Variants in HBA2 observed in about 807,000 individuals in gnomAD.
HBA2 encodes hemoglobin subunit alpha 2.
HBA2 carries 9 observed loss-of-function variants against 5.6 expected under a neutral mutation model. The ratio of observed to expected loss-of-function variants is 1.60; its 90% CI spans 0.97 to 2.80. The LOEUF is 2.80. HBA2 is among the 30% of genes most tolerant of loss of function. The pLI is 0.00. For missense variants in HBA2, 86 were observed against 152.1 expected (o/e 0.57, Z 2.29); for synonymous variants, 38 against 73.4 (o/e 0.52, Z 2.47).
At position 173,561 on chromosome 16, in the gene HBA2, G is replaced by A; in HGVS notation, c.390G>A (p.Leu130=). ...PAVHASLDKF[L]ASVSTVLTSK... ...TGCACGCCTCCCTGGACAAGTTCCT[G>A]GCTTCTGTGAGCACCGTGCTGACCT... The change falls in exon 3 of 3, where the codon CTG becomes CTA. Residue 130 remains leucine, a synonymous_variant. Coordinates refer to ENST00000251595, the MANE Select transcript of HBA2 (RefSeq NM_000517.6). 6.2e-7 allele frequency: 1 copy of A among 1,608,134 alleles called. No individual in the cohort carries two copies. Among genetic ancestry groups the A allele is most frequent in the Non-Finnish European group, 8.5e-7 (1 of 1,179,908 alleles).
Position 173,348 on chromosome 16 carries a change from G to A in HBA2, c.300+19G>A. 6.3e-7 allele frequency: 1 copy of A among 1,596,140 alleles called. No individual in the cohort carries two copies. The highest frequency in any genetic ancestry group is 1.1e-5 in the South Asian group (1 of 89,040). On this transcript the variant is annotated intron_variant, in intron 2 of 2. Coordinates refer to ENST00000251595, the MANE Select transcript of HBA2 (RefSeq NM_000517.6). ...CTTCAAGGTGAGCGGCGGGCCGGGA[G>A]CGATCTGGGTCGAGGGGCGAGATGG...
rs2362745 is a variant in HBA2 at position 173,615 on chromosome 16, A to G, written c.*15A>G. ...AATACCGTTAAGCTGGAGCCTCGGT[A>G]GCCGTTCCTCCTGCCCGCTGGGCCT... On this transcript the variant is annotated 3_prime_UTR_variant, in exon 3 of 3. Coordinates refer to ENST00000251595, the MANE Select transcript of HBA2 (RefSeq NM_000517.6). 18 of 1,608,178 alleles carry G rather than the reference A, an allele frequency of 1.1e-5. No individual in the cohort carries two copies. The highest frequency in any genetic ancestry group is 1.4e-5 in the Non-Finnish European group (16 of 1,179,862).
At position 173,651 on chromosome 16, in the gene HBA2, C is replaced by T. The variant is rs1483225418; in HGVS notation, c.*51C>T. ...CTGCCCGCTGGGCCTCCCAACGGGCCCTCCTCCCCTCCTTGCACCGGCCCT... is the reference window on the plus strand; with the variant it reads ...CTGCCCGCTGGGCCTCCCAACGGGCTCTCCTCCCCTCCTTGCACCGGCCCT... On this transcript the variant is annotated 3_prime_UTR_variant, in exon 3 of 3. Coordinates refer to ENST00000251595, the MANE Select transcript of HBA2 (RefSeq NM_000517.6). The T allele has an allele frequency of 1.9e-6, 3 of 1,601,794 alleles. No individual in the cohort carries two copies. Among genetic ancestry groups the T allele is most frequent in the Middle Eastern group, 1.7e-4 (1 of 5,980 alleles).
At position 173,600 on chromosome 16, in the gene HBA2, A is replaced by G; in HGVS notation, c.429A>G (p.Ter143=). The G allele has an allele frequency of 2.5e-6, 4 of 1,608,268 alleles. No individual in the cohort carries two copies. The highest frequency in any genetic ancestry group is 3.4e-6 in the Non-Finnish European group (4 of 1,179,904). ...CCGTGCTGACCTCCAAATACCGTTA[A>G]GCTGGAGCCTCGGTAGCCGTTCCTC... ...VSTVLTSKYR[*] The change falls in exon 3 of 3, where the codon TAA becomes TAG. Residue 143 remains the stop codon, a stop_retained_variant. Coordinates refer to ENST00000251595, the MANE Select transcript of HBA2 (RefSeq NM_000517.6).
rs1485807214 is a variant in HBA2 at position 173,473 on chromosome 16, T to A, written c.302T>A (p.Leu101His). The change falls in exon 3 of 3, where the codon CTC (leucine) becomes CAC (histidine). Residue 101 changes from leucine to histidine, a missense_variant and splice_region_variant. Physicochemically the swap from Leu to His is moderately conservative, Grantham distance 99. Transcript: ENST00000251595. ...GCACTGACCCTCTTCTCTGCACAGC[T>A]CCTAAGCCACTGCCTGCTGGTGACC... ...KLRVDPVNFK[L>H]LSHCLLVTLA... The A allele has an allele frequency of 6.2e-7, 1 of 1,605,500 alleles. No individual in the cohort carries two copies. The highest frequency in any genetic ancestry group is 8.5e-7 in the Non-Finnish European group (1 of 1,179,848).
In HBA2 at chr16:173,632, G is replaced by T. The variant is rs3020599; in HGVS notation, c.*32G>T. The T allele has an allele frequency of 1.5e-5, 24 of 1,607,916 alleles. 1 individual carries two copies. The Middle Eastern group carries it at 1.7e-3, about 112-fold the overall frequency. On this transcript the variant is annotated 3_prime_UTR_variant, in exon 3 of 3. Transcript: ENST00000251595. Reference sequence around the variant, plus strand: ...GCCTCGGTAGCCGTTCCTCCTGCCCGCTGGGCCTCCCAACGGGCCCTCCTC... The same window carrying T: ...GCCTCGGTAGCCGTTCCTCCTGCCCTCTGGGCCTCCCAACGGGCCCTCCTC...
intron 1 of HBA2, 36 bp from the exon 2 acceptor site, chr16:173,089 C>A: frequency 1.8e-6 from 1 of 559,004 alleles, no homozygotes; most frequent in South Asian, 1.9e-5. Context: ...TGGCCCCGGA[C>A]CCAAACCCCA....
At chr16:173,086 G>T (rs1902041138) in intron 1 of HBA2, 39 bp from the exon 2 acceptor site, 1 of 534,538 alleles carries the variant, frequency 1.9e-6, no homozygotes, top group Non-Finnish European at 3.2e-6. Context: ...TCCTGGCCCC[G>T]GACCCAAACC....
chr16:173,494 T>C lies in HBA2; in HGVS notation c.323T>C (p.Val108Ala), dbSNP rs752788128. 1 of 1,606,274 alleles carries C rather than the reference T, an allele frequency of 6.2e-7. No homozygotes were observed. Among genetic ancestry groups the C allele is most frequent in the South Asian group, 1.1e-5 (1 of 89,870 alleles). Residue 108 changes from valine (V) to alanine (A), a missense_variant, in exon 3 of 3, where the codon GTG becomes GCG. By Grantham distance (64) the Val-to-Ala change is moderately conservative. Transcript: ENST00000251595. ...NFKLLSHCLL[V>A]TLAAHLPAEF... Reference sequence around the variant, plus strand: ...CAGCTCCTAAGCCACTGCCTGCTGGTGACCCTGGCCGCCCACCTCCCCGCC... The same window carrying C: ...CAGCTCCTAAGCCACTGCCTGCTGGCGACCCTGGCCGCCCACCTCCCCGCC...
In HBA2 at chr16:172,908, C is replaced by T; in HGVS notation, c.-5C>T. 3.9e-6 allele frequency: 1 copy of T among 256,690 alleles called. No homozygotes were observed. Among genetic ancestry groups the T allele is most frequent in the Non-Finnish European group, 6.8e-6 (1 of 147,948 alleles). The allele number at this position is 256,690 out of a possible 1,614,324, so 15.9% of individuals were successfully genotyped here. On this transcript the variant is annotated 5_prime_UTR_variant, in exon 1 of 3. Transcript: ENST00000251595. ...TGGTCCCCACAGACTCAGAGAGAAC[C>T]CACCATGGTGCTGTCTCCTGCCGAC...
In HBA2 at chr16:173,294, G is replaced by A. The variant is rs281864869; in HGVS notation, c.265G>A (p.Ala89Thr). ...NALSALSDLHAHKLRVDPVNF... is the reference protein window; with the variant it reads ...NALSALSDLHTHKLRVDPVNF... ...GCTGTCCGCCCTGAGCGACCTGCAC[G>A]CGCACAAGCTTCGGGTGGACCCGGT... is the stretch of plus-strand genomic sequence containing the variant. The change falls in exon 2 of 3, where the codon GCG (alanine) becomes ACG (threonine). Residue 89 changes from alanine (A) to threonine (T), a missense_variant. By Grantham distance (58) the Ala-to-Thr change is moderately conservative. Transcript: ENST00000251595. The A allele has an allele frequency of 1.3e-6, 2 of 1,537,160 alleles. No individual in the cohort carries two copies. The highest frequency in any genetic ancestry group is 1.7e-6 in the Non-Finnish European group (2 of 1,148,720).
rs41328049 is a variant in HBA2, at chr16:173,207, G to C, written c.178G>C (p.Gly60Arg). 8 of 1,138,250 alleles carry C rather than the reference G, an allele frequency of 7.0e-6. 1 individual carries two copies. In the South Asian group the frequency reaches 9.5e-5, roughly 13 times the overall value. 70.5% of individuals were successfully genotyped at this position (1,138,250 alleles called of 1,614,324 possible). A position where few individuals can be genotyped will look rare whatever the true frequency, so the allele number is the denominator to read the frequency against. Reference sequence around the variant, plus strand: ...CGGCTCTGCCCAGGTTAAGGGCCACGGCAAGAAGGTGGCCGACGCGCTGAC... The same window carrying C: ...CGGCTCTGCCCAGGTTAAGGGCCACCGCAAGAAGGTGGCCGACGCGCTGAC... ...SHGSAQVKGHGKKVADALTNA... is the reference protein window; with the variant it reads ...SHGSAQVKGHRKKVADALTNA... The change falls in exon 2 of 3, where the codon GGC becomes CGC. Residue 60 changes from glycine to arginine, a missense_variant. By Grantham distance (125) the Gly-to-Arg change is moderately radical (BLOSUM62 -2). Coordinates refer to ENST00000251595, the MANE Select transcript of HBA2 (RefSeq NM_000517.6).
chr16:173,548 T>C lies in HBA2; in HGVS notation c.377T>C (p.Leu126Pro), dbSNP rs41397847. ...TTCACCCCTGCGGTGCACGCCTCCC[T>C]GGACAAGTTCCTGGCTTCTGTGAGC... ...AEFTPAVHAS[L>P]DKFLASVSTV... The change falls in exon 3 of 3, where the codon CTG (leucine) becomes CCG (proline). Residue 126 changes from leucine to proline, a missense_variant. Leu to Pro is a moderately conservative substitution (Grantham distance 98). Around this residue, in one of 3 missense-constraint regions of HBA2, gnomAD observed 44 missense variants for 54.8 expected, o/e 0.80. Coordinates refer to ENST00000251595, the MANE Select transcript of HBA2 (RefSeq NM_000517.6). The C allele has an allele frequency of 8.1e-6, 13 of 1,607,758 alleles. 1 individual carries two copies. The East Asian group carries it at 2.5e-4, about 30-fold the overall frequency.
At chr16:173,365 G>A in intron 2 of HBA2, 36 bp downstream of exon 2, 2 of 1,601,460 alleles carry the variant, frequency 1.2e-6, no homozygotes, top group South Asian at 1.1e-5. Flanking sequence ...GGGTCGAGGG[G>A]CGAGATGGCG....
rs63751238 is a variant in HBA2, at chr16:173,331, T to A, written c.300+2T>A. 1 of 1,582,400 alleles carries A rather than the reference T, an allele frequency of 6.3e-7. No individual in the cohort carries two copies. The highest frequency in any genetic ancestry group is 8.5e-7 in the Non-Finnish European group (1 of 1,171,524). ...CGGGTGGACCCGGTCAACTTCAAGG[T>A]GAGCGGCGGGCCGGGAGCGATCTGG... is the stretch of plus-strand genomic sequence containing the variant. On this transcript the variant is annotated splice_donor_variant, in intron 2 of 2. Transcript: ENST00000251595. LOFTEE classifies it high-confidence loss of function.
At position 173,580 on chromosome 16, in the gene HBA2, C is replaced by A. The variant is rs41364652; in HGVS notation, c.409C>A (p.Leu137Met). 24 of 1,608,190 alleles carry A rather than the reference C, an allele frequency of 1.5e-5. 3 individuals carry two copies. The African/African-American group carries it at 3.2e-4, about 22-fold the overall frequency. Reference protein sequence around the residue: ...DKFLASVSTVLTSKYR With the variant: ...DKFLASVSTVMTSKYR ...GTTCCTGGCTTCTGTGAGCACCGTG[C>A]TGACCTCCAAATACCGTTAAGCTGG... Residue 137 changes from leucine (L) to methionine (M), a missense_variant, in exon 3 of 3, where the codon CTG becomes ATG. Coordinates refer to ENST00000251595, the MANE Select transcript of HBA2 (RefSeq NM_000517.6).
At chr16:173,064 C>T (rs2142017782) in intron 1 of HBA2, 57 bp downstream of exon 1, 1 of 509,446 alleles carries the variant, frequency 2.0e-6, no homozygotes, top group Middle Eastern at 4.5e-4. Context: ...ACCCACAGGC[C>T]ACCCTCAACC....
rs41515552 is a variant in HBA2, at chr16:173,128, G to A, written c.99G>A (p.Met33Ile). 6 of 670,388 alleles carry A rather than the reference G, an allele frequency of 9.0e-6. No individual in the cohort carries two copies. The highest frequency in any genetic ancestry group is 9.7e-6 in the Non-Finnish European group (4 of 413,898). 41.5% of individuals were successfully genotyped at this position (670,388 alleles called of 1,614,324 possible). A position where few individuals can be genotyped will look rare whatever the true frequency, so the allele number is the denominator to read the frequency against. ...GEYGAEALERMFLSFPTTKTY... is the reference protein window; with the variant it reads ...GEYGAEALERIFLSFPTTKTY... ...CTCACTCTGCTTCTCCCCGCAGGAT[G>A]TTCCTGTCCTTCCCCACCACCAAGA... Residue 33 changes from methionine (M) to isoleucine (I), a missense_variant, in exon 2 of 3, where the codon ATG becomes ATA. Met to Ile is a conservative substitution (Grantham distance 10). This residue lies in a region of HBA2 where 17 missense variants were observed against 16.0 expected (regional missense o/e 1.06). Transcript: ENST00000251595.
chr16:173,343 C>G lies in HBA2; in HGVS notation c.300+14C>G. 1 of 1,592,796 alleles carries G rather than the reference C, an allele frequency of 6.3e-7. No homozygotes were observed. The highest frequency in any genetic ancestry group is 8.5e-7 in the Non-Finnish European group (1 of 1,176,062). ...GTCAACTTCAAGGTGAGCGGCGGGC[C>G]GGGAGCGATCTGGGTCGAGGGGCGA... On this transcript the variant is annotated intron_variant, in intron 2 of 2. Transcript: ENST00000251595.
Sources: gnomAD v4.1 joint callset for allele counts on GRCh38, gnomAD v4.1.1 for gene constraint, gnomAD v4.1.1 regional missense constraint, MANE v1.5 for transcripts, NCBI Gene and HGNC (gene_info 2026-07-23, HGNC 2026-07-21) for gene names.